The following PLXDC2 variants were observed in gnomAD, a reference collection of about 807,000 sequenced individuals.
The protein encoded by PLXDC2 is plexin domain containing 2.
A neutral mutation model predicts 68.9 loss-of-function variants in PLXDC2; 40 were observed. That is an observed-to-expected ratio of 0.58 (90% confidence interval 0.45 to 0.76). The LOEUF (loss-of-function observed/expected upper bound fraction) is 0.76, where lower values mean the gene tolerates loss of function less well. PLXDC2 is among the 30% of genes least tolerant of loss of function. The pLI, the probability that PLXDC2 is intolerant of heterozygous loss-of-function variation, is 0.00. For missense variants in PLXDC2, 644 were observed against 661.9 expected (o/e 0.97, Z 0.30); for synonymous variants, 243 against 234.2 (o/e 1.04, Z -0.34).
chr10:20,125,832 G>A lies in PLXDC2; in HGVS notation c.542-17463G>A, dbSNP rs966052600. Among the ~76,000 whole-genome samples the A allele has an allele frequency of 6.6e-5, 10 of 152,012 alleles. No individual in the cohort carries two copies. The East Asian group carries it at 1.9e-3, about 29-fold the overall frequency. Reference sequence around the variant, plus strand: ...TATAGAGGAGATTGCAACTCAACGAGAGTAAGTGATGACATGAGGTCATAC... The same window carrying A: ...TATAGAGGAGATTGCAACTCAACGAAAGTAAGTGATGACATGAGGTCATAC... On this transcript the variant is annotated intron_variant, in intron 4 of 13. Transcript: ENST00000377252.
chr10:19,869,151 C>T (rs1837483945), intron 1 of PLXDC2, among the ~76,000 whole-genome samples: 1 of 152,042 alleles, frequency 6.6e-6, no homozygotes, highest in Non-Finnish European at 1.5e-5. Context: ...AATCCCAGCA[C>T]TTTGGGAGGC....
chr10:20,067,224 C>CT (rs1292399222), intron 3 of PLXDC2, among the ~76,000 whole-genome samples: 2 of 151,998 alleles, frequency 1.3e-5, no homozygotes, highest in African/African-American at 4.8e-5. Context: ...TTTAGGAAAA[C>CT]AAAGGGTGCA....
chr10:19,891,982 A>G (rs1044926952), intron 1 of PLXDC2, among the ~76,000 whole-genome samples: 1 of 152,190 alleles, frequency 6.6e-6, no homozygotes, highest in African/African-American at 2.4e-5. Flanking sequence ...TATTTATAGA[A>G]AAAAGAACTT....
chr10:19,868,955 C>T (rs544347073), intron 1 of PLXDC2, among the ~76,000 whole-genome samples: 4 of 152,282 alleles, frequency 2.6e-5, no homozygotes, highest in East Asian at 3.9e-4. Flanking sequence ...ATTATACCCT[C>T]GGTGATAATT....
chr10:19,917,667 G>A (rs60779686), intron 1 of PLXDC2, among the ~76,000 whole-genome samples: 3,531 of 152,190 alleles, frequency 0.023, 134 homozygotes, highest in African/African-American at 0.08. Flanking sequence ...AGTAAGAAAG[G>A]GATTCAGACA....
chr10:20,066,858 T>C (rs1204307905), intron 3 of PLXDC2, among the ~76,000 whole-genome samples: 1 of 152,192 alleles, frequency 6.6e-6, no homozygotes, highest in Non-Finnish European at 1.5e-5. Context: ...AGAGATATAA[T>C]ATAGCAATTG....
intron 1 of PLXDC2, among the ~76,000 whole-genome samples, chr10:19,823,719 G>A (rs1053892440): frequency 6.6e-6 from 1 of 152,118 alleles, no homozygotes; most frequent in Non-Finnish European, 1.5e-5. Context: ...AGGTTCAGTG[G>A]CTCACACCTG....
At chr10:20,085,855 A>G (rs1295975638) in intron 4 of PLXDC2, among the ~76,000 whole-genome samples, 1 of 152,218 alleles carries the variant, frequency 6.6e-6, no homozygotes, top group African/African-American at 2.4e-5. Context: ...TATGTAGTAA[A>G]AACTGTAGTT....
intron 2 of PLXDC2, among the ~76,000 whole-genome samples, chr10:20,046,577 C>T (rs561970317): frequency 2.0e-5 from 3 of 151,968 alleles, no homozygotes. Context: ...TTTCAGTAAT[C>T]ATTTTATTTT....
intron 1 of PLXDC2, among the ~76,000 whole-genome samples, chr10:19,874,418 T>A (rs1219593650): frequency 6.6e-6 from 1 of 152,184 alleles, no homozygotes; most frequent in African/African-American, 2.4e-5. Context: ...ATAGGGCACA[T>A]CAGCTGCTCT....
intron 1 of PLXDC2, among the ~76,000 whole-genome samples, chr10:19,994,097 T>C: frequency 6.6e-6 from 1 of 152,060 alleles, no homozygotes; most frequent in East Asian, 1.9e-4. Flanking sequence ...AAGACATGTG[T>C]TATACTTCTT....
At chr10:19,873,432 C>G (rs540381188) in intron 1 of PLXDC2, among the ~76,000 whole-genome samples, 2 of 100,846 alleles carry the variant, frequency 2.0e-5, no homozygotes, top group South Asian at 6.7e-4. Context: ...TTTTTTTGAA[C>G]TGAGACCTTG....
At chr10:20,197,925 T>C (rs1834863840) in intron 9 of PLXDC2, among the ~76,000 whole-genome samples, 1 of 152,190 alleles carries the variant, frequency 6.6e-6, no homozygotes, top group South Asian at 2.1e-4. Flanking sequence ...AGAAATATTT[T>C]CCTAATAATA....
At chr10:19,930,672 TA>T (rs578221157) in intron 1 of PLXDC2, among the ~76,000 whole-genome samples, 1 of 151,280 alleles carries the variant, frequency 6.6e-6, no homozygotes, top group Admixed American at 6.6e-5. Flanking sequence ...AAATAAAAAA[TA>T]AAAAAAAGGC....
Position 20,284,257 on chromosome 10 carries a change from A to G in PLXDC2, c.*4438A>G, listed in dbSNP as rs532262048. The G allele has an allele frequency of 6.6e-6, 1 of 150,790 alleles. No individual in the cohort carries two copies. Among genetic ancestry groups the G allele is most frequent in the Non-Finnish European group, 1.5e-5 (1 of 67,822 alleles). The allele number at this position is 150,790 out of a possible 1,614,324, so 9.3% of individuals were successfully genotyped here. On this transcript the variant is annotated 3_prime_UTR_variant, in exon 14 of 14. Coordinates refer to ENST00000377252, the MANE Select transcript of PLXDC2 (RefSeq NM_032812.9). ...TTTTGTTATCAGCGTCATATGCCAG[A>G]GTCATGGCAGATCCAGCCTGGACAA...
intron 1 of PLXDC2, among the ~76,000 whole-genome samples, chr10:19,951,436 C>G (rs1833990406): frequency 6.6e-6 from 1 of 152,008 alleles, no homozygotes; most frequent in Non-Finnish European, 1.5e-5. Context: ...TAGAGAAATG[C>G]AATAAGATAC....
intron 1 of PLXDC2, among the ~76,000 whole-genome samples, chr10:19,873,534 C>G (rs1291817231): frequency 6.6e-6 from 1 of 151,400 alleles, no homozygotes; most frequent in African/African-American, 2.4e-5. Flanking sequence ...ATTCTCTCTC[C>G]TCTACCTTTG....
intron 13 of PLXDC2, among the ~76,000 whole-genome samples, chr10:20,278,447 G>A (rs764548613): frequency 6.6e-6 from 1 of 152,114 alleles, no homozygotes; most frequent in African/African-American, 2.4e-5. Context: ...CCACAGACAC[G>A]TTGTTTTGCT....
intron 7 of PLXDC2, among the ~76,000 whole-genome samples, chr10:20,167,148 C>T (rs1033919862): frequency 2.6e-5 from 4 of 152,000 alleles, no homozygotes; most frequent in African/African-American, 9.7e-5. Context: ...CTGTTAGATG[C>T]GACTATATTT....
Sources: allele counts gnomAD v4.1 joint callset (sites outside exome capture counted in the v4.1 genomes callset), GRCh38; gene constraint gnomAD v4.1.1; transcripts MANE v1.5; gene names NCBI Gene and HGNC (gene_info 2026-07-23, HGNC 2026-07-21).